KDR: variants seen among roughly 807,000 people sequenced by gnomAD.
The protein encoded by KDR is kinase insert domain receptor.
Under a neutral mutation model 160.9 loss-of-function variants are expected in KDR, and 43 were observed. The ratio of observed to expected loss-of-function variants is 0.27; its 90% CI spans 0.21 to 0.34. The LOEUF (loss-of-function observed/expected upper bound fraction) is 0.34. Ranked by LOEUF, KDR falls within the 10% of genes least tolerant of loss-of-function variation. The probability of loss-of-function intolerance (pLI) is 1.00; values close to 1 mark genes in which losing one functional copy is unlikely to be tolerated. For synonymous variants in KDR, 617 were observed against 600.1 expected (o/e 1.03, Z -0.41); for missense variants, 1,469 against 1,666.4 (o/e 0.88, Z 2.06).
chr4:55,110,820 G>C (rs749098173), intron 7 of KDR, 52 bp from the exon 8 acceptor site: 1 of 1,435,906 alleles, frequency 7.0e-7, no homozygotes, highest in African/African-American at 1.4e-5. Context: ...ATGGTCATTT[G>C]ATTTAGTTTT....
At chr4:55,099,757 A>T (rs747155423) in intron 15 of KDR, among the ~76,000 whole-genome samples, 8 of 152,176 alleles carry the variant, frequency 5.3e-5, no homozygotes, top group Non-Finnish European at 1.2e-4. Context: ...AAGCTACTTG[A>T]CTGAGGGCAC....
intron 1 of KDR, among the ~76,000 whole-genome samples, chr4:55,121,397 C>T (rs1388870044): frequency 2.0e-5 from 3 of 152,208 alleles, no homozygotes; most frequent in African/African-American, 7.2e-5. Flanking sequence ...CATAAACCAA[C>T]ACAACAGTTC....
At chr4:55,112,505 G>A (rs564764167) in intron 7 of KDR, among the ~76,000 whole-genome samples, 1 of 150,252 alleles carries the variant, frequency 6.7e-6, no homozygotes, top group African/African-American at 2.4e-5. Flanking sequence ...TTTTGTGGAA[G>A]TCAAAAGTTA....
intron 16 of KDR, 84 bp from the exon 17 acceptor site, chr4:55,098,356 C>T (rs1720215635): frequency 7.4e-6 from 11 of 1,482,924 alleles, no homozygotes; most frequent in Middle Eastern, 3.5e-4. Flanking sequence ...TTTATTGGAG[C>T]CTCATTCCTG....
At chr4:55,119,753 A>T (rs897945707) in intron 2 of KDR, among the ~76,000 whole-genome samples, 4 of 152,178 alleles carry the variant, frequency 2.6e-5, no homozygotes, top group Admixed American at 1.3e-4. Flanking sequence ...TGCAAGTAAG[A>T]GTCCCTCAGG....
chr4:55,120,794 A>G (rs1024903291), intron 2 of KDR, among the ~76,000 whole-genome samples: 11 of 152,056 alleles, frequency 7.2e-5, no homozygotes, highest in African/African-American at 2.7e-4. Flanking sequence ...TATGTCTACT[A>G]TACGCCAGGT....
intron 25 of KDR, 71 bp from the exon 26 acceptor site, chr4:55,089,044 G>A (rs41454649): frequency 5.5e-6 from 6 of 1,097,800 alleles, no homozygotes; most frequent in African/African-American, 4.6e-5. Flanking sequence ...GCACTTAAAT[G>A]AGTACACATT....
intron 6 of KDR, 63 bp downstream of exon 6, chr4:55,114,063 C>A: frequency 1.3e-6 from 2 of 1,598,950 alleles, no homozygotes; most frequent in South Asian, 1.1e-5. Flanking sequence ...ATCTCTCAAG[C>A]AAACTTCACT....
intron 1 of KDR, among the ~76,000 whole-genome samples, chr4:55,124,794 CCGG>C (rs1347371032): frequency 6.6e-6 from 1 of 152,164 alleles, no homozygotes; most frequent in Middle Eastern, 3.2e-3. Flanking sequence ...TCCGGGAGAC[CCGG>C]CCTGAGATTC....
chr4:55,125,308 C>T lies in KDR; in HGVS notation c.-15G>A, dbSNP rs762847744. On this transcript the variant is annotated 5_prime_UTR_variant, in exon 1 of 30. Coordinates refer to ENST00000263923, the MANE Select transcript of KDR (RefSeq NM_002253.4). The stretch of plus-strand genomic sequence containing the variant: ...TTGCTCTGCATCCTGCACCTCGAGC[C>T]GGGCGAAATGCCCAGAACTCGGGAG... 14 of 1,608,088 alleles carry T rather than the reference C, an allele frequency of 8.7e-6. No individual in the cohort carries two copies. The highest frequency in any genetic ancestry group is 1.3e-5 in the African/African-American group (1 of 74,878).
Position 55,118,680 on chromosome 4 carries a change from G to A in KDR, c.282C>T (p.Ile94=), listed in dbSNP as rs75557765. Reference sequence around the variant, plus strand: ...ACTTGTAGGCTCCAGTGTCATTTCCGATCACTTTTGGAATTGTGAGTGTCT... The same window carrying A: ...ACTTGTAGGCTCCAGTGTCATTTCCAATCACTTTTGGAATTGTGAGTGTCT... ...FCKTLTIPKV[I]GNDTGAYKCF... The change falls in exon 3 of 30, where the codon ATC becomes ATT. Residue 94 remains isoleucine (I), a synonymous_variant. Transcript: ENST00000263923. The A allele has an allele frequency of 4.4e-4, 717 of 1,614,024 alleles. 4 individuals are homozygous for A. The African/African-American group carries it at 7.8e-3, about 18-fold the overall frequency.
intron 2 of KDR, among the ~76,000 whole-genome samples, chr4:55,120,297 A>G (rs1720837933): frequency 6.6e-6 from 1 of 152,194 alleles, no homozygotes; most frequent in African/African-American, 2.4e-5. Flanking sequence ...CATCACCTCC[A>G]CTTGTCACAG....
chr4:55,119,405 C>T (rs2110035104), intron 2 of KDR, among the ~76,000 whole-genome samples: 1 of 152,224 alleles, frequency 6.6e-6, no homozygotes, highest in East Asian at 1.9e-4. Flanking sequence ...GTGAACAAAT[C>T]AGACAAAAAT....
chr4:55,096,396 A>C, intron 18 of KDR, 54 bp from the exon 19 acceptor site: 1 of 1,313,372 alleles, frequency 7.6e-7, no homozygotes, highest in Non-Finnish European at 1.1e-6. Context: ...TCCTTCAATA[A>C]TTGGGGTCCC....
chr4:55,117,955 T>C (rs991082439), intron 3 of KDR, among the ~76,000 whole-genome samples: 1 of 152,192 alleles, frequency 6.6e-6, no homozygotes, highest in African/African-American at 2.4e-5. Flanking sequence ...TTATACTATA[T>C]GGATGTTAAG....
intron 2 of KDR, 106 bp from the exon 3 acceptor site, chr4:55,118,906 A>G: frequency 1.1e-6 from 1 of 882,864 alleles, no homozygotes; most frequent in Non-Finnish European, 1.8e-6. Context: ...ACTCTTCAAC[A>G]GACACAGTCA....
Position 55,107,855 on chromosome 4 carries a change from C to T in KDR, c.1294G>A (p.Val432Met). ...GTGGTGCCGTACTGGTAGGAATCCA[C>T]AGGAGAGATTAGAGATTTCTCACCA... ...QIGEKSLISPVDSYQYGTTQT... is the reference protein window; with the variant it reads ...QIGEKSLISPMDSYQYGTTQT... The change falls in exon 10 of 30, where the codon GTG (valine) becomes ATG (methionine). Residue 432 changes from valine to methionine, a missense_variant. Physicochemically the swap from Val to Met is conservative, Grantham distance 21. This residue lies in a region of KDR where 792 missense variants were observed against 840.9 expected (regional missense o/e 0.94). Coordinates refer to ENST00000263923, the MANE Select transcript of KDR (RefSeq NM_002253.4). 1 of 1,613,924 alleles carries T rather than the reference C, an allele frequency of 6.2e-7. No homozygotes were observed.
intron 11 of KDR, 54 bp downstream of exon 11, chr4:55,106,632 AC>A: frequency 7.8e-7 from 1 of 1,279,364 alleles, no homozygotes; most frequent in Non-Finnish European, 1.1e-6. Context: ...ATATTATTGT[AC>A]CATCCTTCCA....
intron 22 of KDR, among the ~76,000 whole-genome samples, chr4:55,090,817 C>T (rs1000210270): frequency 1.3e-5 from 2 of 148,194 alleles, no homozygotes; most frequent in Non-Finnish European, 3.0e-5. Flanking sequence ...TCTTGGGGAG[C>T]ACAAGAAATG....
Sources: allele counts gnomAD v4.1 joint callset (sites outside exome capture counted in the v4.1 genomes callset), GRCh38; gene constraint gnomAD v4.1.1; regional missense constraint gnomAD v4.1.1; transcripts MANE v1.5; gene names NCBI Gene and HGNC (gene_info 2026-07-23, HGNC 2026-07-21).